NCOA2: variants seen among roughly 807,000 people sequenced by gnomAD.
The protein encoded by NCOA2 is class E basic helix-loop-helix protein 75.
NCOA2 carries 21 observed loss-of-function variants against 145.1 expected under a neutral mutation model. The observed-to-expected ratio is 0.14, with a 90% confidence interval of 0.10 to 0.21. The LOEUF (loss-of-function observed/expected upper bound fraction) is 0.21, where lower values mean the gene tolerates loss of function less well. Among genes scored for constraint, NCOA2 ranks in the 10% least tolerant of loss-of-function variants. The pLI, the probability that NCOA2 is intolerant of heterozygous loss-of-function variation, is 1.00. For synonymous variants in NCOA2, 619 were observed against 637.5 expected, an observed-to-expected ratio of 0.97 and a Z score of 0.44; for missense variants, 1,472 against 1,837.6, an observed-to-expected ratio of 0.80 and a Z score of 3.64.
At chr8:70,373,461 T>G (rs952226565) in intron 1 of NCOA2, among the ~76,000 whole-genome samples, 1 of 152,230 alleles carries the variant, frequency 6.6e-6, no homozygotes. Flanking sequence ...AAAAGACTTT[T>G]GTGTTACAAA....
intron 1 of NCOA2, among the ~76,000 whole-genome samples, chr8:70,369,870 C>T (rs147250084): frequency 2.3e-3 from 344 of 151,424 alleles, no homozygotes; most frequent in African/African-American, 7.4e-3. Flanking sequence ...AATAGTGCCT[C>T]ATTAATCTTT....
the NCOA2 span, among the ~76,000 whole-genome samples, chr8:70,448,261 A>G: frequency 6.6e-6 from 1 of 152,196 alleles, no homozygotes; most frequent in Non-Finnish European, 1.5e-5. Context: ...GCAGGTAGCT[A>G]TGGATATCTT....
chr8:70,424,686 C>T, the NCOA2 span: 1 of 273,918 alleles, frequency 3.7e-6, no homozygotes, highest in South Asian at 3.5e-5. Flanking sequence ...GATCCCCGTC[C>T]TAACTACTCA....
intron 1 of NCOA2, among the ~76,000 whole-genome samples, chr8:70,386,536 C>T (rs1812680400): frequency 1.3e-5 from 2 of 150,928 alleles, no homozygotes; most frequent in Non-Finnish European, 3.0e-5. Context: ...AAATACATGT[C>T]ATCGTCATTT....
chr8:70,222,821 T>G (rs1820271602), intron 2 of NCOA2, among the ~76,000 whole-genome samples: 1 of 152,214 alleles, frequency 6.6e-6, no homozygotes, highest in Admixed American at 6.5e-5. Flanking sequence ...CTTAGCAGAA[T>G]TCAGGCCAGA....
At chr8:70,334,966 T>TA (rs962732081) in intron 1 of NCOA2, among the ~76,000 whole-genome samples, 3 of 150,766 alleles carry the variant, frequency 2.0e-5, no homozygotes, top group African/African-American at 4.9e-5. Flanking sequence ...TCTACAAAAA[T>TA]AAAAAAACTA....
intron 10 of NCOA2, 71 bp from the exon 11 acceptor site, chr8:70,157,311 A>T: frequency 7.4e-7 from 1 of 1,348,804 alleles, no homozygotes; most frequent in Non-Finnish European, 1.0e-6. Context: ...TTAATTTTTA[A>T]AAATGATATG....
At chr8:70,414,626 A>G in the NCOA2 span, among the ~76,000 whole-genome samples, 4 of 152,344 alleles carry the variant, frequency 2.6e-5, no homozygotes, top group East Asian at 7.7e-4. Flanking sequence ...TATTACCAGT[A>G]CAGTACTATT....
At chr8:70,136,663 T>C (rs1372597155) in intron 15 of NCOA2, among the ~76,000 whole-genome samples, 1 of 152,088 alleles carries the variant, frequency 6.6e-6, no homozygotes. Flanking sequence ...CTTTTTGAAA[T>C]GTATACATAA....
the NCOA2 span, among the ~76,000 whole-genome samples, chr8:70,413,828 GTTTGT>G: frequency 1.3e-5 from 2 of 152,090 alleles, no homozygotes; most frequent in South Asian, 2.1e-4. Context: ...CCCCTGGGTT[GTTTGT>G]TTTGTTTTGT....
At chr8:70,261,624 A>G (rs149434509) in intron 2 of NCOA2, among the ~76,000 whole-genome samples, 87 of 152,272 alleles carry the variant, frequency 5.7e-4, no homozygotes, top group African/African-American at 2.1e-3. Context: ...CTGTCAAGTA[A>G]AAGTTTCTAG....
intron 2 of NCOA2, among the ~76,000 whole-genome samples, chr8:70,252,909 ATG>A (rs1480674127): frequency 6.6e-6 from 1 of 152,216 alleles, no homozygotes. Context: ...GCTAGGGAAC[ATG>A]TGTTTTAAGT....
At chr8:70,420,647 G>A in the NCOA2 span, among the ~76,000 whole-genome samples, 2,039 of 152,176 alleles carry the variant, frequency 0.013, 47 homozygotes, top group African/African-American at 0.046. Context: ...TGTTGTTGTT[G>A]TTTTTGTGTT....
chr8:70,170,834 G>A (rs1814167067), intron 5 of NCOA2, among the ~76,000 whole-genome samples: 2 of 152,132 alleles, frequency 1.3e-5, no homozygotes, highest in East Asian at 3.8e-4. Context: ...CCAGTTTAAG[G>A]ATAATTACCA....
chr8:70,336,194 T>C (rs1466475769), intron 1 of NCOA2, among the ~76,000 whole-genome samples: 1 of 152,122 alleles, frequency 6.6e-6, no homozygotes, highest in Non-Finnish European at 1.5e-5. Flanking sequence ...ATGTGAGTAA[T>C]GCACTGGGCT....
chr8:70,282,085 T>A (rs1361761005), intron 2 of NCOA2, among the ~76,000 whole-genome samples: 2 of 152,176 alleles, frequency 1.3e-5, no homozygotes, highest in East Asian at 3.9e-4. Context: ...AGACCAAATG[T>A]CTACTAACCC....
At chr8:70,120,723 A>C (rs1807710076) in intron 22 of NCOA2, among the ~76,000 whole-genome samples, 2 of 152,210 alleles carry the variant, frequency 1.3e-5, no homozygotes, top group Non-Finnish European at 2.9e-5. Context: ...ACTGTCTCAA[A>C]AAAACAAAAC....
At chr8:70,145,324 A>ATTTTTTCT (rs1554573288) in intron 12 of NCOA2, among the ~76,000 whole-genome samples, 1 of 147,228 alleles carries the variant, frequency 6.8e-6, no homozygotes, top group Non-Finnish European at 1.5e-5. Flanking sequence ...TGCCCGGCTA[A>ATTTTTTCT]TTTTTTCTTT....
At position 70,131,828 on chromosome 8, in the gene NCOA2, C is replaced by A. The variant is rs754332095; in HGVS notation, c.3324+9G>T. The A allele has an allele frequency of 6.3e-7, 1 of 1,578,596 alleles. No homozygotes were observed. The highest frequency in any genetic ancestry group is 1.2e-5 in the South Asian group (1 of 85,712). Reference sequence around the variant, plus strand: ...GCTTGGCCCCCACCTGCTGCCCTTCCGCGCATACCTGGCTGACCAGTTCGG... The same window carrying A: ...GCTTGGCCCCCACCTGCTGCCCTTCAGCGCATACCTGGCTGACCAGTTCGG... On this transcript the variant is annotated intron_variant, in intron 16 of 22. Coordinates refer to ENST00000452400, the MANE Select transcript of NCOA2 (RefSeq NM_006540.4).
Sources: allele counts gnomAD v4.1 joint callset (sites outside exome capture counted in the v4.1 genomes callset), GRCh38; gene constraint gnomAD v4.1.1; transcripts MANE v1.5; gene names NCBI Gene and HGNC (gene_info 2026-07-23, HGNC 2026-07-21).